Variants in CAPZB observed in about 807,000 individuals in gnomAD.
CAPZB encodes F-actin-capping protein subunit beta.
Under a neutral mutation model 38.1 loss-of-function variants are expected in CAPZB, and 2 were observed. The observed-to-expected ratio is 0.05, with a 90% CI of 0.02 to 0.17. The LOEUF (loss-of-function observed/expected upper bound fraction) is 0.17, where lower values mean the gene tolerates loss of function less well. CAPZB is among the 10% of genes least tolerant of loss of function. The probability of loss-of-function intolerance (pLI) is 1.00; values close to 1 mark genes in which losing one functional copy is unlikely to be tolerated. For synonymous variants in CAPZB, 107 were observed against 127.4 expected (o/e 0.84, Z 1.08); for missense variants, 161 against 334.2 (o/e 0.48, Z 4.04).
intron 1 of CAPZB, among the ~76,000 whole-genome samples, chr1:19,469,952 A>G (rs2094581538): frequency 6.6e-6 from 1 of 152,050 alleles, no homozygotes; most frequent in South Asian, 2.1e-4. Context: ...AAACTACAAC[A>G]CCGTCTTCAC....
At chr1:19,452,398 C>G (rs1268615076) in intron 1 of CAPZB, among the ~76,000 whole-genome samples, 1 of 152,170 alleles carries the variant, frequency 6.6e-6, no homozygotes, top group Non-Finnish European at 1.5e-5. Context: ...CTGTACTGCC[C>G]GAGTCCGGCA....
rs140896689 is a variant in CAPZB, at chr1:19,380,825, G to A, written c.216-2172C>T. ...TTCTCTTCGGGTTGCTCAGCACCTA[G>A]AACAGTGCCTGGCACTCAACTACAC... On this transcript the variant is annotated intron_variant, in intron 3 of 8. Coordinates refer to ENST00000264202, the MANE Select transcript of CAPZB (RefSeq NM_004930.5). Among the ~76,000 whole-genome samples, 742 of 152,078 alleles carry A rather than the reference G, an allele frequency of 4.9e-3. 5 individuals are homozygous for A. Among genetic ancestry groups the A allele is most frequent in the African/African-American group, 0.017 (691 of 41,482 alleles).
intron 1 of CAPZB, among the ~76,000 whole-genome samples, chr1:19,428,933 C>T (rs948074720): frequency 2.0e-5 from 3 of 152,172 alleles, no homozygotes; most frequent in African/African-American, 7.2e-5. Context: ...CCAGCTACCC[C>T]ATTATTTTCG....
chr1:19,463,143 AT>A lies in CAPZB; in HGVS notation c.3+22292del, dbSNP rs565391473. 9.8e-5 allele frequency among the ~76,000 whole-genome samples: 15 copies of A among 152,342 alleles called. 1 individual carries two copies. The South Asian group carries it at 2.5e-3, about 25-fold the overall frequency. ...CTTGCTTTATTATGCAAATCTGCATATTCCTGTCAAGTCCAATCTCCCTCAG... is the reference window on the plus strand; with the variant it reads ...CTTGCTTTATTATGCAAATCTGCATATCCTGTCAAGTCCAATCTCCCTCAG... On this transcript the variant is annotated intron_variant, in intron 1 of 8. Transcript: ENST00000264202.
chr1:19,356,786 G>T lies in CAPZB; in HGVS notation c.472-35C>A. ...CAAGACAGAGATCTGTTGAGCTGAG[G>T]GAGAGCCTGAAGTGGCCCCTGGAAT... On this transcript the variant is annotated intron_variant, in intron 5 of 8. Coordinates refer to ENST00000264202, the MANE Select transcript of CAPZB (RefSeq NM_004930.5). This position sits in a 1 kb window ranked among gnomAD's most constrained non-coding sequence, Gnocchi z 4.3. 1 of 1,485,164 alleles carries T rather than the reference G, an allele frequency of 6.7e-7. No homozygotes were observed. Among genetic ancestry groups the T allele is most frequent in the Non-Finnish European group, 9.4e-7 (1 of 1,064,936 alleles). The allele number at this position is 1,485,164 out of a possible 1,614,324, so 92.0% of individuals were successfully genotyped here. A position where few individuals can be genotyped will look rare whatever the true frequency, so the allele number is the denominator to read the frequency against.
chr1:19,385,102 A>G (rs2094196609), intron 3 of CAPZB, among the ~76,000 whole-genome samples: 2 of 152,090 alleles, frequency 1.3e-5, no homozygotes, highest in African/African-American at 4.8e-5. Flanking sequence ...CTTACCACAG[A>G]GACCCTCCCA....
intron 1 of CAPZB, among the ~76,000 whole-genome samples, chr1:19,463,161 C>T (rs1361069768): frequency 6.6e-6 from 1 of 152,208 alleles, no homozygotes; most frequent in Non-Finnish European, 1.5e-5. Context: ...CAAGTCCAAT[C>T]TCCCTCAGAA....
intron 4 of CAPZB, 112 bp downstream of exon 4, chr1:19,378,428 A>C (rs1181187130): frequency 2.8e-6 from 2 of 703,686 alleles, no homozygotes; most frequent in Admixed American, 4.2e-5. Context: ...CGGGTAACAG[A>C]TTCAAGGGAG....
intron 1 of CAPZB, among the ~76,000 whole-genome samples, chr1:19,451,343 A>G (rs16862798): frequency 0.26 from 39,125 of 152,118 alleles, 5,117 homozygotes; most frequent in Non-Finnish European, 0.27. Flanking sequence ...AACGGAAACA[A>G]CAGATAAAAG....
intron 2 of CAPZB, among the ~76,000 whole-genome samples, chr1:19,387,581 C>T (rs2094210778): frequency 6.6e-6 from 1 of 152,210 alleles, no homozygotes; most frequent in Non-Finnish European, 1.5e-5. Flanking sequence ...TCAACTTTTG[C>T]CTGGAACCCA....
intron 1 of CAPZB, among the ~76,000 whole-genome samples, chr1:19,421,000 A>T (rs1268408647): frequency 6.6e-6 from 1 of 152,204 alleles, no homozygotes; most frequent in Non-Finnish European, 1.5e-5. Context: ...GGCCAGGTAC[A>T]AGGGTGAAGA....
intron 1 of CAPZB, among the ~76,000 whole-genome samples, chr1:19,462,413 G>A (rs529761515): frequency 5.9e-5 from 9 of 151,552 alleles, no homozygotes; most frequent in East Asian, 5.8e-4. Flanking sequence ...AGCTGAGATC[G>A]TGCCACTGCA....
intron 1 of CAPZB, among the ~76,000 whole-genome samples, chr1:19,442,496 T>TAACTTA (rs1427323619): frequency 1.3e-5 from 2 of 152,218 alleles, no homozygotes; most frequent in Non-Finnish European, 2.9e-5. Context: ...CAGGCAACAC[T>TAACTTA]AACTTAAAGT....
intron 4 of CAPZB, among the ~76,000 whole-genome samples, chr1:19,370,385 A>G (rs1436504235): frequency 6.6e-6 from 1 of 152,210 alleles, no homozygotes; most frequent in East Asian, 1.9e-4. Context: ...AAGGAGGCTG[A>G]GGGAGAAGGC....
At chr1:19,385,041 C>T (rs1251126403) in intron 3 of CAPZB, among the ~76,000 whole-genome samples, 2 of 152,092 alleles carry the variant, frequency 1.3e-5, no homozygotes, top group African/African-American at 2.4e-5. Context: ...GGCGAGGTGA[C>T]GGAAAGAGAG....
chr1:19,417,895 G>A (rs1335485616), intron 2 of CAPZB, among the ~76,000 whole-genome samples: 1 of 152,074 alleles, frequency 6.6e-6, no homozygotes, highest in Non-Finnish European at 1.5e-5. Context: ...CCAGCACTTT[G>A]GGAGGCCGAG....
intron 7 of CAPZB, among the ~76,000 whole-genome samples, chr1:19,344,897 G>A (rs1162869063): frequency 6.6e-6 from 1 of 152,370 alleles, no homozygotes; most frequent in East Asian, 1.9e-4. Flanking sequence ...TTCACACCCA[G>A]GCGATCAGGG....
intron 1 of CAPZB, among the ~76,000 whole-genome samples, chr1:19,473,207 G>A (rs943324106): frequency 3.9e-5 from 6 of 152,176 alleles, no homozygotes; most frequent in African/African-American, 7.2e-5. Context: ...GGGTGCCTGC[G>A]AGGGACAAGT....
intron 7 of CAPZB, among the ~76,000 whole-genome samples, 164 bp from the exon 8 acceptor site, chr1:19,344,598 C>G (rs1279672077): frequency 6.6e-6 from 1 of 152,200 alleles, no homozygotes; most frequent in African/African-American, 2.4e-5. Flanking sequence ...AAGACCCCAC[C>G]TGCCATCTGT....
Sources: allele counts gnomAD v4.1 joint callset (sites outside exome capture counted in the v4.1 genomes callset), GRCh38; gene constraint gnomAD v4.1.1; non-coding constraint Gnocchi (gnomAD v3.1); transcripts MANE v1.5; gene names NCBI Gene and HGNC (gene_info 2026-07-23, HGNC 2026-07-21).